PARVB: variants seen among roughly 807,000 people sequenced by gnomAD.
PARVB encodes the protein parvin beta, also known as beta-parvin.
In PARVB, 46 loss-of-function variants were observed where a neutral mutation model predicts 47.0. The observed-to-expected ratio is 0.98, with a 90% CI of 0.77 to 1.25. PARVB has a LOEUF of 1.25. Among genes scored for constraint, PARVB ranks in the 50% most tolerant of loss-of-function variants. The probability of loss-of-function intolerance (pLI) is 0.00; values close to 1 mark genes in which losing one functional copy is unlikely to be tolerated. For missense variants in PARVB, 473 were observed against 471.6 expected (o/e 1.00, Z -0.03); for synonymous variants, 196 against 196.3 (o/e 1.00, Z 0.01).
rs899791595 is a variant in PARVB, at chr22:44,155,747, T to A, written c.844-2235T>A. ...CCATGTGGAGACACACTTAAAAGAA[T>A]TCTTCAAACCCGTCTGATCTCCTTA... On this transcript the variant is annotated intron_variant, in intron 10 of 12. Coordinates refer to ENST00000338758, the MANE Select transcript of PARVB (RefSeq NM_013327.5). This position sits in a 1 kb window ranked among gnomAD's most constrained non-coding sequence, Gnocchi z 4.8. 1.3e-5 allele frequency among the ~76,000 whole-genome samples: 2 copies of A among 152,176 alleles called. No individual in the cohort carries two copies. Among genetic ancestry groups the A allele is most frequent in the East Asian group, 3.9e-4 (2 of 5,178 alleles).
chr22:44,150,990 C>T (rs2053792596), intron 9 of PARVB: 1 of 145,920 alleles, frequency 6.9e-6, no homozygotes, highest in African/African-American at 2.6e-5. Flanking sequence ...CGAGATCACG[C>T]CACTGCACTC....
At position 44,033,430 on chromosome 22, in the gene PARVB, C is replaced by T. The variant is rs2050860128; in HGVS notation, c.112+8979C>T. Among the ~76,000 whole-genome samples the T allele has an allele frequency of 2.0e-5, 3 of 152,158 alleles. No homozygotes were observed. The South Asian group carries it at 6.2e-4, about 32-fold the overall frequency. On this transcript the variant is annotated intron_variant, in intron 1 of 12. Transcript: ENST00000338758. ...TTTCTGAGCTGGAATTCCTTGTACCCAGAAATGTGAGGGCAACTCACATGG... is the reference window on the plus strand; with the variant it reads ...TTTCTGAGCTGGAATTCCTTGTACCTAGAAATGTGAGGGCAACTCACATGG...
Position 44,132,866 on chromosome 22 carries a change from G to A in PARVB, c.518-28G>A, listed in dbSNP as rs772360425. ...AGGTTCCTGTGTAACCTGATCTAAA[G>A]CGTCTCCCTTCCTCCTTCCTCCTGC... is the stretch of plus-strand genomic sequence containing the variant. On this transcript the variant is annotated intron_variant, in intron 5 of 12. Transcript: ENST00000338758. 6.6e-6 allele frequency: 10 copies of A among 1,511,746 alleles called. No homozygotes were observed. In the Admixed American group the frequency reaches 1.5e-4, roughly 23 times the overall value. 93.6% of individuals were successfully genotyped at this position (1,511,746 alleles called of 1,614,324 possible).
At chr22:44,053,293 A>G (rs1191500175) in intron 1 of PARVB, among the ~76,000 whole-genome samples, 1 of 152,124 alleles carries the variant, frequency 6.6e-6, no homozygotes. Flanking sequence ...CATGTTGGCC[A>G]GGATGGTCTC....
intron 2 of PARVB, among the ~76,000 whole-genome samples, chr22:44,016,898 G>A (rs375685708): frequency 1.3e-5 from 2 of 151,878 alleles, no homozygotes; most frequent in East Asian, 1.9e-4. Context: ...TTTTTGAGAT[G>A]GAGTTTCACT....
intron 6 of PARVB, among the ~76,000 whole-genome samples, chr22:44,133,338 G>T (rs1355011346): frequency 6.6e-6 from 1 of 152,138 alleles, no homozygotes; most frequent in East Asian, 1.9e-4. Flanking sequence ...ATTGGAGGAG[G>T]TTGGCCCCGC....
rs1216199356 is a variant in PARVB at position 44,093,343 on chromosome 22, G to T, written c.113-585G>T. Among the ~76,000 whole-genome samples the T allele has an allele frequency of 2.6e-5, 4 of 152,222 alleles. No individual in the cohort carries two copies. In the East Asian group the frequency reaches 7.7e-4, roughly 29 times the overall value. On this transcript the variant is annotated intron_variant, in intron 1 of 12. Coordinates refer to ENST00000338758, the MANE Select transcript of PARVB (RefSeq NM_013327.5). ...CTCCCTTGAGACAGGAGGTCATGGT[G>T]TTTCTGACTTGGAGCCTCTGGCTCT... is the stretch of plus-strand genomic sequence containing the variant.
chr22:44,101,601 A>C (rs2052449403), intron 3 of PARVB, among the ~76,000 whole-genome samples: 2 of 151,552 alleles, frequency 1.3e-5, no homozygotes, highest in Non-Finnish European at 2.9e-5. Context: ...AATACAAAAA[A>C]TTTGCCGGGC....
At chr22:44,138,020 C>T (rs1021137019) in intron 7 of PARVB, among the ~76,000 whole-genome samples, 3 of 152,102 alleles carry the variant, frequency 2.0e-5, no homozygotes, top group Non-Finnish European at 4.4e-5. Flanking sequence ...AGCTGGGCCC[C>T]CTGCCATAAA....
At chr22:44,151,362 C>G in intron 9 of PARVB, 121 bp from the exon 10 acceptor site, 1 of 724,808 alleles carries the variant, frequency 1.4e-6, no homozygotes, top group Admixed American at 2.3e-5. Context: ...TTTATTTTAG[C>G]AAACAGGAGA....
chr22:44,030,399 C>T (rs2050804575), intron 1 of PARVB, among the ~76,000 whole-genome samples: 1 of 152,136 alleles, frequency 6.6e-6, no homozygotes, highest in African/African-American at 2.4e-5. Context: ...GAGGAGACCC[C>T]CAGGCAGGCT....
At chr22:44,142,294 C>T (rs567039350) in intron 8 of PARVB, 32 of 144,278 alleles carry the variant, frequency 2.2e-4, no homozygotes, top group African/African-American at 8.0e-4. Context: ...AGGAGAATCG[C>T]TTGAACCCAG....
intron 2 of PARVB, chr22:43,999,691 A>T: frequency 6.3e-7 from 1 of 1,593,268 alleles, no homozygotes; most frequent in Non-Finnish European, 8.6e-7. Flanking sequence ...TTGGGGGAAA[A>T]ACTGTCAGAA....
chr22:44,138,671 A>T (rs553418322), intron 7 of PARVB, among the ~76,000 whole-genome samples: 1 of 152,156 alleles, frequency 6.6e-6, no homozygotes, highest in African/African-American at 2.4e-5. Flanking sequence ...TTCTCTTTCA[A>T]GAGGTGGCTA....
At chr22:44,122,536 GAGAGAGAGAGAGAGAGACACAGAGAC>G (rs1569134411) in intron 4 of PARVB, among the ~76,000 whole-genome samples, 72 of 95,840 alleles carry the variant, frequency 7.5e-4, no homozygotes, top group African/African-American at 1.1e-3. Context: ...GACAGAGAGA[GAGAGAGAGAGAGAGAGACACAGAGAC>G]AGAGAGAGAG....
chr22:44,160,937 G>C (rs80209607), intron 11 of PARVB, among the ~76,000 whole-genome samples: 13 of 152,194 alleles, frequency 8.5e-5, no homozygotes, highest in African/African-American at 3.1e-4. Context: ...CTCCCTCAGC[G>C]TGGAAGAGGA....
At chr22:44,017,838 C>T (rs1272071836) in intron 2 of PARVB, among the ~76,000 whole-genome samples, 2 of 152,108 alleles carry the variant, frequency 1.3e-5, no homozygotes, top group Admixed American at 1.3e-4. Context: ...TGGTTAGAGG[C>T]TCTTCACTGG....
intron 2 of PARVB, among the ~76,000 whole-genome samples, chr22:44,000,652 C>T (rs1020365939): frequency 5.3e-5 from 8 of 152,152 alleles, no homozygotes; most frequent in African/African-American, 1.9e-4. Context: ...CACATAGATA[C>T]GTATTTGGAA....
In PARVB at chr22:44,086,501, G is replaced by A. The variant is rs183457703; in HGVS notation, c.113-7427G>A. ...GGGAGGGCCAGGCCTCACATTTCAA[G>A]GCCTTTGCACGCGTGATGTGCCAGC... On this transcript the variant is annotated intron_variant, in intron 1 of 12. Transcript: ENST00000338758. 2.0e-5 allele frequency among the ~76,000 whole-genome samples: 3 copies of A among 152,278 alleles called. No individual in the cohort carries two copies. The East Asian group carries it at 5.8e-4, about 29-fold the overall frequency.
Sources: allele counts gnomAD v4.1 joint callset (sites outside exome capture counted in the v4.1 genomes callset), GRCh38; gene constraint gnomAD v4.1.1; non-coding constraint Gnocchi (gnomAD v3.1); transcripts MANE v1.5; gene names NCBI Gene and HGNC (gene_info 2026-07-23, HGNC 2026-07-21).